The following PPP2R2C variants were observed in gnomAD, a reference collection of about 807,000 sequenced individuals.
The protein encoded by PPP2R2C is protein phosphatase 2, regulatory subunit B, gamma.
A neutral mutation model predicts 45.3 loss-of-function variants in PPP2R2C; 10 were observed. The observed-to-expected ratio is 0.22, with a 90% CI of 0.14 to 0.37. The LOEUF (loss-of-function observed/expected upper bound fraction) is 0.37. PPP2R2C is among the 10% of genes least tolerant of loss of function. The pLI is 1.00. For synonymous variants in PPP2R2C, 257 were observed against 245.4 expected (o/e 1.05, Z -0.44); for missense variants, 308 against 619.7 (o/e 0.50, Z 5.34).
chr4:6,503,943 A>T (rs1230048494), intron 2 of PPP2R2C, among the ~76,000 whole-genome samples: 2 of 152,258 alleles, frequency 1.3e-5, no homozygotes, highest in Non-Finnish European at 2.9e-5. Flanking sequence ...CCTAAGGGCA[A>T]TCAAAAGCAG....
chr4:6,427,696 A>T (rs1203962940), intron 1 of PPP2R2C, among the ~76,000 whole-genome samples: 1 of 152,218 alleles, frequency 6.6e-6, no homozygotes, highest in Non-Finnish European at 1.5e-5. Context: ...ATCTGTTTAC[A>T]CATCTAACAG....
upstream of PPP2R2C, among the ~76,000 whole-genome samples, chr4:6,476,196 G>A (rs111420233): frequency 5.9e-5 from 9 of 152,268 alleles, no homozygotes; most frequent in African/African-American, 1.2e-4. Context: ...CTTGAAGAAC[G>A]ACCACAAAGT....
At chr4:6,401,772 G>C (rs981671025) in intron 1 of PPP2R2C, among the ~76,000 whole-genome samples, 4 of 152,166 alleles carry the variant, frequency 2.6e-5, no homozygotes, top group Non-Finnish European at 5.9e-5. Flanking sequence ...AGTCACAAGT[G>C]ACACTGGAGA....
intron 8 of PPP2R2C, among the ~76,000 whole-genome samples, chr4:6,327,460 G>C (rs1251503615): frequency 6.6e-6 from 1 of 152,232 alleles, no homozygotes; most frequent in Non-Finnish European, 1.5e-5. Flanking sequence ...GGTGCCCCCT[G>C]GTGGCAGCTT....
At position 6,323,095 on chromosome 4, in the gene PPP2R2C, A is replaced by G. The variant is rs947925234; in HGVS notation, c.*207T>C. On this transcript the variant is annotated 3_prime_UTR_variant, in exon 9 of 9. Coordinates refer to ENST00000382599, the MANE Select transcript of PPP2R2C (RefSeq NM_020416.4). The stretch of plus-strand genomic sequence containing the variant: ...CTTCCTTTCCTTTTTATTTTTTTAA[A>G]CAGACAATTACTGCCAAACACAATT... 1.8e-5 allele frequency: 9 copies of G among 503,354 alleles called. No homozygotes were observed. The highest frequency in any genetic ancestry group is 3.0e-5 in the Non-Finnish European group (9 of 298,036). The allele number at this position is 503,354 out of a possible 1,614,324, so 31.2% of individuals were successfully genotyped here.
intron 5 of PPP2R2C, chr4:6,350,387 T>C: frequency 2.0e-6 from 2 of 985,388 alleles, no homozygotes; most frequent in Non-Finnish European, 2.4e-6. Flanking sequence ...CGCACATTAG[T>C]GCGACGGCCC....
intron 1 of PPP2R2C, among the ~76,000 whole-genome samples, chr4:6,470,578 C>G (rs1424553351): frequency 6.6e-6 from 1 of 152,330 alleles, no homozygotes; most frequent in Middle Eastern, 3.4e-3. Flanking sequence ...GCGGGGCAAC[C>G]TGCCAAGATC....
At chr4:6,406,666 A>C (rs1269602672) in intron 1 of PPP2R2C, among the ~76,000 whole-genome samples, 2 of 152,196 alleles carry the variant, frequency 1.3e-5, no homozygotes, top group African/African-American at 4.8e-5. Flanking sequence ...CTGAGGCAGG[A>C]GAATCCATTG....
intron 2 of PPP2R2C, among the ~76,000 whole-genome samples, chr4:6,505,926 A>T (rs1382057103): frequency 6.6e-6 from 1 of 152,190 alleles, no homozygotes; most frequent in African/African-American, 2.4e-5. Context: ...AGATCATGCT[A>T]CTGCAATCCA....
intron 5 of PPP2R2C, among the ~76,000 whole-genome samples, chr4:6,352,788 C>T (rs142875889): frequency 7.4e-4 from 112 of 152,238 alleles, no homozygotes; most frequent in African/African-American, 2.6e-3. Context: ...TAGCATGTGT[C>T]CATAACATCC....
intron 2 of PPP2R2C, 30 bp downstream of exon 2, chr4:6,380,967 C>T (rs1410141484): frequency 1.4e-6 from 2 of 1,480,176 alleles, no homozygotes; most frequent in Admixed American, 4.7e-5. Context: ...CCCACCCCTC[C>T]CACCTCCCAC....
intron 4 of PPP2R2C, among the ~76,000 whole-genome samples, chr4:6,372,946 C>A (rs1444384752): frequency 6.6e-6 from 1 of 152,204 alleles, no homozygotes; most frequent in Non-Finnish European, 1.5e-5. Flanking sequence ...TCCTATACCC[C>A]AATTTCCTCA....
intron 1 of PPP2R2C, among the ~76,000 whole-genome samples, chr4:6,445,999 C>T (rs1035817325): frequency 6.6e-6 from 1 of 152,236 alleles, no homozygotes; most frequent in Non-Finnish European, 1.5e-5. Context: ...AAAGCCAAGG[C>T]TTCCTGGTGC....
chr4:6,459,893 A>C (rs1426134596), intron 1 of PPP2R2C, among the ~76,000 whole-genome samples: 1 of 152,194 alleles, frequency 6.6e-6, no homozygotes, highest in Non-Finnish European at 1.5e-5. Context: ...TGTTAGTACC[A>C]AGTTTGGTCA....
At chr4:6,461,981 G>T (rs1222450350) in intron 1 of PPP2R2C, among the ~76,000 whole-genome samples, 1 of 152,234 alleles carries the variant, frequency 6.6e-6, no homozygotes, top group African/African-American at 2.4e-5. Flanking sequence ...TCCCAGAGAG[G>T]ATGGTGCAGC....
At position 6,329,284 on chromosome 4, in the gene PPP2R2C, A is replaced by T. The variant is rs1168119647; in HGVS notation, c.1030T>A (p.Cys344Ser). The part of the protein sequence containing the change: ...ENDCIFDKFE[C>S]AWNGSDSVIM... ...TACCTGTCGCTCCCGTTCCAGGCAC[A>T]TTCAAACTTGTCGAAAATGCAGTCG... is the stretch of plus-strand genomic sequence containing the variant. Residue 344 changes from cysteine (C) to serine (S), a missense_variant, in exon 8 of 9, where the codon TGT becomes AGT. By Grantham distance (112) the Cys-to-Ser change is moderately radical (BLOSUM62 -1). Transcript: ENST00000382599. This position sits in a 1 kb window ranked among gnomAD's most constrained non-coding sequence, Gnocchi z 5.8. The T allele has an allele frequency of 6.2e-7, 1 of 1,614,066 alleles. No individual in the cohort carries two copies. Among genetic ancestry groups the T allele is most frequent in the African/African-American group, 1.3e-5 (1 of 74,936 alleles).
In PPP2R2C at chr4:6,365,702, C is replaced by T. The variant is rs185275720; in HGVS notation, c.625+6821G>A. 2.0e-3 allele frequency among the ~76,000 whole-genome samples: 310 copies of T among 152,298 alleles called. 1 individual carries two copies. Among genetic ancestry groups the T allele is most frequent in the African/African-American group, 5.2e-3 (216 of 41,554 alleles). The stretch of plus-strand genomic sequence containing the variant: ...GCATGGGCTGATGAAGGTTCTGAGC[C>T]TCCTGCGGTGAATGGCTGCACCCCC... On this transcript the variant is annotated intron_variant, in intron 5 of 8. Coordinates refer to ENST00000382599, the MANE Select transcript of PPP2R2C (RefSeq NM_020416.4).
intron 1 of PPP2R2C, among the ~76,000 whole-genome samples, chr4:6,547,897 T>A (rs548605487): frequency 6.6e-6 from 1 of 152,234 alleles, no homozygotes; most frequent in African/African-American, 2.4e-5. Context: ...TGCTCAACAT[T>A]TTTAACCATG....
At chr4:6,467,720 C>T (rs182178049) in intron 1 of PPP2R2C, among the ~76,000 whole-genome samples, 1 of 152,140 alleles carries the variant, frequency 6.6e-6, no homozygotes, top group African/African-American at 2.4e-5. Flanking sequence ...GTAACGGAGA[C>T]TTGAAAGTGC....
Sources: allele counts gnomAD v4.1 joint callset (sites outside exome capture counted in the v4.1 genomes callset), GRCh38; gene constraint gnomAD v4.1.1; non-coding constraint Gnocchi (gnomAD v3.1); transcripts MANE v1.5; gene names NCBI Gene and HGNC (gene_info 2026-07-23, HGNC 2026-07-21).